Variants in SDR42E2 observed in about 807,000 individuals in gnomAD.
The protein encoded by SDR42E2 is putative short-chain dehydrogenase/reductase family 42E member 2.
Under a neutral mutation model 10.5 loss-of-function variants are expected in SDR42E2, and 20 were observed. The observed-to-expected ratio is 1.90, with a 90% CI of 1.34 to 2.77. SDR42E2 has a LOEUF of 2.77. SDR42E2 is among the 30% of genes most tolerant of loss of function. SDR42E2 has a pLI of 0.00. For synonymous variants in SDR42E2, 72 were observed against 39.2 expected (o/e 1.84, Z -3.12); for missense variants, 162 against 104.2 (o/e 1.55, Z -2.42).
At chr16:22,176,514 AAAAAT>A (rs1460570795) in intron 7 of SDR42E2, among the ~76,000 whole-genome samples, 1 of 152,266 alleles carries the variant, frequency 6.6e-6, no homozygotes, top group African/African-American at 2.4e-5. Flanking sequence ...ATATGGCAAT[AAAAAT>A]AAAAGAAAAA....
At chr16:22,181,084 C>T (rs1005326382) in intron 8 of SDR42E2, among the ~76,000 whole-genome samples, 4 of 152,096 alleles carry the variant, frequency 2.6e-5, no homozygotes, top group African/African-American at 9.7e-5. Context: ...CAGAGGGGGA[C>T]CAGTTAGGAA....
At chr16:22,167,937 G>A (rs570718557) in intron 4 of SDR42E2, among the ~76,000 whole-genome samples, 3 of 152,270 alleles carry the variant, frequency 2.0e-5, no homozygotes, top group South Asian at 2.1e-4. Context: ...AGATTATCTC[G>A]AGAAACACCG....
chr16:22,168,119 G>T (rs946627999), intron 4 of SDR42E2, among the ~76,000 whole-genome samples: 1 of 152,040 alleles, frequency 6.6e-6, no homozygotes, highest in Non-Finnish European at 1.5e-5. Flanking sequence ...ATAGAGCCAG[G>T]TGTGGTGGCT....
At chr16:22,180,420 G>A (rs2046682770) in intron 8 of SDR42E2, among the ~76,000 whole-genome samples, 2 of 151,986 alleles carry the variant, frequency 1.3e-5, no homozygotes, top group Admixed American at 1.3e-4. Flanking sequence ...AGGATCCCTG[G>A]CTGAGCACGC....
chr16:22,180,626 C>T (rs2046684640), intron 8 of SDR42E2, among the ~76,000 whole-genome samples: 1 of 152,054 alleles, frequency 6.6e-6, no homozygotes, highest in South Asian at 2.1e-4. Flanking sequence ...TCGCTTGAGC[C>T]CGGGAGTTCA....
intron 4 of SDR42E2, among the ~76,000 whole-genome samples, chr16:22,168,864 A>G (rs1380137341): frequency 6.6e-6 from 1 of 152,076 alleles, no homozygotes; most frequent in Non-Finnish European, 1.5e-5. Flanking sequence ...CAAGAGCTAA[A>G]CTCGGTCTCA....
chr16:22,173,324 A>C (rs904072493), intron 7 of SDR42E2, among the ~76,000 whole-genome samples: 1 of 152,008 alleles, frequency 6.6e-6, no homozygotes, highest in Non-Finnish European at 1.5e-5. Flanking sequence ...GGTTCAATAG[A>C]TTCTCCTGCC....
intron 7 of SDR42E2, 21 bp downstream of exon 7, chr16:22,172,352 C>T: frequency 1.4e-6 from 1 of 703,604 alleles, no homozygotes; most frequent in Non-Finnish European, 2.6e-6. Context: ...TGGGGCTCTG[C>T]TTGTACCAAA....
rs1463654498 is a variant in SDR42E2 at position 22,191,728 on chromosome 16, C to T, written c.*1335C>T. 6.6e-6 allele frequency: 1 copy of T among 151,232 alleles called. No homozygotes were observed. The highest frequency in any genetic ancestry group is 2.4e-5 in the African/African-American group (1 of 41,116). The allele number at this position is 151,232 out of a possible 1,614,324, so 9.4% of individuals were successfully genotyped here. A position where few individuals can be genotyped will look rare whatever the true frequency, so the allele number is the denominator to read the frequency against. On this transcript the variant is annotated 3_prime_UTR_variant, in exon 13 of 13. Coordinates refer to ENST00000602312, the MANE Select transcript of SDR42E2 (RefSeq NM_001394319.2). ...AATAATTGGATGTCTCGATGAAGTACCAATAAAGCTATAATGGGAAAAATA... is the reference window on the plus strand; with the variant it reads ...AATAATTGGATGTCTCGATGAAGTATCAATAAAGCTATAATGGGAAAAATA...
chr16:22,173,342 C>T (rs985149874), intron 7 of SDR42E2, among the ~76,000 whole-genome samples: 3 of 152,154 alleles, frequency 2.0e-5, no homozygotes, highest in Non-Finnish European at 4.4e-5. Flanking sequence ...GCCTCGGCCT[C>T]CCGAATAGCT....
chr16:22,178,056 G>A (rs1255078045), intron 7 of SDR42E2, 74 bp from the exon 8 acceptor site: 1 of 672,580 alleles, frequency 1.5e-6, no homozygotes, highest in Non-Finnish European at 2.7e-6. Flanking sequence ...CCAACAGATG[G>A]AGGTGGCCTC....
intron 7 of SDR42E2, among the ~76,000 whole-genome samples, chr16:22,177,829 TTA>T (rs1467850830): frequency 2.6e-5 from 4 of 151,570 alleles, no homozygotes; most frequent in Non-Finnish European, 5.9e-5. Flanking sequence ...CATCTGGCTC[TTA>T]CCTTTGTGAC....
chr16:22,170,993 G>A (rs751839627), intron 6 of SDR42E2, 42 bp downstream of exon 6: 21 of 702,138 alleles, frequency 3.0e-5, no homozygotes, highest in Middle Eastern at 2.3e-4. Context: ...CCGCGGGCCC[G>A]GGACCCACAG....
At position 22,190,272 on chromosome 16, in the gene SDR42E2, G is replaced by C; in HGVS notation, c.1148G>C (p.Gly383Ala). Residue 383 changes from glycine to alanine, a missense_variant, in exon 13 of 13, where the codon GGC becomes GCC. Coordinates refer to ENST00000602312, the MANE Select transcript of SDR42E2 (RefSeq NM_001394319.2). ...YVQSTTRRPR[G>A]STARTLLRLL... ...CAGTCCACGACCCGGCGGCCCCGCGGCTCCACGGCGCGGACCCTCCTGCGC... is the reference window on the plus strand; with the variant it reads ...CAGTCCACGACCCGGCGGCCCCGCGCCTCCACGGCGCGGACCCTCCTGCGC... 1 of 401,352 alleles carries C rather than the reference G, an allele frequency of 2.5e-6. No individual in the cohort carries two copies. 24.9% of individuals were successfully genotyped at this position (401,352 alleles called of 1,614,324 possible).
chr16:22,165,894 T>C (rs1245649521), intron 2 of SDR42E2, among the ~76,000 whole-genome samples: 1 of 127,102 alleles, frequency 7.9e-6, no homozygotes, highest in Non-Finnish European at 1.7e-5. Context: ...CCGTACCTGG[T>C]CTAGGAGCTA....
At chr16:22,184,151 G>A in intron 10 of SDR42E2, 30 bp from the exon 11 acceptor site, 1 of 401,076 alleles carries the variant, frequency 2.5e-6, no homozygotes, top group Non-Finnish European at 4.4e-6. Context: ...TGAACCACTT[G>A]TTCTCACTCC....
chr16:22,167,165 ATTTTT>A (rs534502295), intron 4 of SDR42E2, among the ~76,000 whole-genome samples, 166 bp downstream of exon 4: 432 of 37,718 alleles, frequency 0.011, 25 homozygotes, highest in African/African-American at 0.062. Flanking sequence ...CAGTTCTGCC[ATTTTT>A]TTTTTTTTTT....
At chr16:22,188,527 C>A (rs1326446193) in intron 12 of SDR42E2, among the ~76,000 whole-genome samples, 4 of 152,188 alleles carry the variant, frequency 2.6e-5, no homozygotes, top group African/African-American at 9.6e-5. Context: ...CCCGTGATCA[C>A]TCACTTAAAT....
At chr16:22,185,361 G>A (rs1278208977) in intron 11 of SDR42E2, among the ~76,000 whole-genome samples, 8 of 152,278 alleles carry the variant, frequency 5.3e-5, no homozygotes, top group East Asian at 3.9e-4. Context: ...AACACATGCA[G>A]GGCAACTTCT....
Sources: allele counts gnomAD v4.1 joint callset (sites outside exome capture counted in the v4.1 genomes callset), GRCh38; gene constraint gnomAD v4.1.1; transcripts MANE v1.5; gene names NCBI Gene and HGNC (gene_info 2026-07-23, HGNC 2026-07-21).